Variants in TRPM3 observed in about 807,000 individuals in gnomAD.
The protein encoded by TRPM3 is long transient receptor potential channel 3.
In TRPM3, 77 loss-of-function variants were observed where a neutral mutation model predicts 181.2. The observed-to-expected ratio is 0.42, with a 90% CI of 0.35 to 0.51. The LOEUF is 0.51. Ranked by LOEUF, TRPM3 falls within the 20% of genes least tolerant of loss-of-function variation. TRPM3 has a pLI of 0.01. For synonymous variants in TRPM3, 745 were observed against 796.4 expected (o/e 0.94, Z 1.09); for missense variants, 1,759 against 2,196.7 (o/e 0.80, Z 3.98).
intron 6 of TRPM3, among the ~76,000 whole-genome samples, chr9:70,785,320 G>A (rs570261984): frequency 6.6e-6 from 1 of 152,294 alleles, no homozygotes; most frequent in Admixed American, 6.5e-5. Flanking sequence ...ATGTCCATGA[G>A]AGACATGATG....
intron 1 of TRPM3, among the ~76,000 whole-genome samples, chr9:70,959,883 C>A (rs776150707): frequency 3.3e-5 from 5 of 152,138 alleles, no homozygotes; most frequent in Non-Finnish European, 5.9e-5. Context: ...TGTTATCAAG[C>A]CTTAGCAGGC....
rs184963937 is a variant in TRPM3, at chr9:70,773,233, G to T, written c.1148+10872C>A. On this transcript the variant is annotated intron_variant, in intron 7 of 25. Coordinates refer to ENST00000677713, the MANE Select transcript of TRPM3 (RefSeq NM_001366145.2). The stretch of plus-strand genomic sequence containing the variant: ...TCCCACCTTCTTAGAGGACAACATG[G>T]TATAGCTGCTAAGGGCCTAAGCTCC... 2.0e-5 allele frequency among the ~76,000 whole-genome samples: 3 copies of T among 152,262 alleles called. No individual in the cohort carries two copies. The East Asian group carries it at 5.8e-4, about 29-fold the overall frequency.
At position 70,536,552 on chromosome 9, in the gene TRPM3, G is replaced by A. The variant is rs1026862219; in HGVS notation, c.4561C>T (p.Pro1521Ser). Residue 1521 changes from proline to serine, a missense_variant, in exon 26 of 26, where the codon CCC becomes TCC. Coordinates refer to ENST00000677713, the MANE Select transcript of TRPM3 (RefSeq NM_001366145.2). ...SKSSRYLATT[P>S]FLLEEAPIVK... ...ATGGGAGCCTCTTCTAGAAGAAAGG[G>A]TGTGGTGGCTAGGTAGCGGCTACTT... is the stretch of plus-strand genomic sequence containing the variant. 9 of 1,614,170 alleles carry A rather than the reference G, an allele frequency of 5.6e-6. No homozygotes were observed. Among genetic ancestry groups the A allele is most frequent in the Non-Finnish European group, 5.9e-6 (7 of 1,180,034 alleles).
intron 1 of TRPM3, among the ~76,000 whole-genome samples, chr9:71,127,837 TATC>T (rs1271804031): frequency 6.6e-6 from 1 of 152,188 alleles, no homozygotes; most frequent in African/African-American, 2.4e-5. Flanking sequence ...TATTTAATCT[TATC>T]ATGCTTTAGT....
At chr9:70,788,963 C>T (rs1011356104) in intron 6 of TRPM3, among the ~76,000 whole-genome samples, 2 of 152,182 alleles carry the variant, frequency 1.3e-5, no homozygotes, top group South Asian at 2.1e-4. Context: ...CACCTATGGC[C>T]TGGCTCCTAA....
At chr9:70,827,054 GATA>G (rs1304014407) in intron 6 of TRPM3, 1 of 152,174 alleles carries the variant, frequency 6.6e-6, no homozygotes, top group African/African-American at 2.4e-5. Flanking sequence ...GCGCTTAAGA[GATA>G]ATATTAGCGT....
At chr9:70,556,383 C>T (rs573104592) in intron 22 of TRPM3, among the ~76,000 whole-genome samples, 1 of 152,104 alleles carries the variant, frequency 6.6e-6, no homozygotes, top group South Asian at 2.1e-4. Flanking sequence ...CCTGCTTTAA[C>T]AGAGGTAGTA....
chr9:70,579,102 G>A lies in TRPM3; in HGVS notation c.3223+11929C>T, dbSNP rs367935572. ...TGAGAGTACTCAGCTCCTCTGGGCT[G>A]TCCTTGGGCCTTTCAGACCTTTGAG... On this transcript the variant is annotated intron_variant, in intron 22 of 25. Transcript: ENST00000677713. The A allele has an allele frequency of 1.1e-3, 167 of 152,362 alleles. 3 individuals carry two copies. The highest frequency in any genetic ancestry group is 3.7e-3 in the African/African-American group (153 of 41,578). The allele number at this position is 152,362 out of a possible 1,614,324, so 9.4% of individuals were successfully genotyped here.
intron 1 of TRPM3, among the ~76,000 whole-genome samples, chr9:70,968,357 GAAC>G (rs1198976891): frequency 6.6e-6 from 1 of 152,110 alleles, no homozygotes; most frequent in Non-Finnish European, 1.5e-5. Flanking sequence ...GACTCTCCCG[GAAC>G]AGACTGCATC....
chr9:70,670,535 T>C (rs1477958842), intron 9 of TRPM3, among the ~76,000 whole-genome samples: 1 of 152,242 alleles, frequency 6.6e-6, no homozygotes, highest in Non-Finnish European at 1.5e-5. Flanking sequence ...TAGCATGTGC[T>C]TAACCACTTT....
At chr9:71,399,685 C>G (rs147513678) in intron 1 of TRPM3, among the ~76,000 whole-genome samples, 1 of 151,736 alleles carries the variant, frequency 6.6e-6, no homozygotes, top group Non-Finnish European at 1.5e-5. Context: ...CCCGCCACCA[C>G]GCCCAGCTAA....
chr9:71,081,402 T>C (rs1008500275), intron 1 of TRPM3, among the ~76,000 whole-genome samples: 5 of 152,114 alleles, frequency 3.3e-5, no homozygotes, highest in African/African-American at 1.2e-4. Flanking sequence ...CTTTAAAAAA[T>C]GGGATAATAA....
chr9:71,266,982 A>G (rs899614173), intron 1 of TRPM3, among the ~76,000 whole-genome samples: 1 of 151,828 alleles, frequency 6.6e-6, no homozygotes, highest in Non-Finnish European at 1.5e-5. Flanking sequence ...AAAATGTCAT[A>G]CCAAATGACA....
At position 71,321,533 on chromosome 9, in the gene TRPM3, C is replaced by T. The variant is rs559195143; in HGVS notation, c.183+125120G>A. On this transcript the variant is annotated intron_variant, in intron 1 of 24. Transcript: ENST00000357533. ...ATGAGGCATTCATACATGAGACTTC[C>T]TAGTCCTAGAATATAAGATGTAAGA... Among the ~76,000 whole-genome samples the T allele has an allele frequency of 3.3e-5, 5 of 152,176 alleles. No homozygotes were observed. The South Asian group carries it at 1.0e-3, about 32-fold the overall frequency.
At chr9:71,004,064 G>A (rs569609383) in intron 1 of TRPM3, among the ~76,000 whole-genome samples, 47 of 152,202 alleles carry the variant, frequency 3.1e-4, no homozygotes, top group Non-Finnish European at 6.2e-4. Flanking sequence ...GGAGTACCAG[G>A]AAGGCTGAAC....
chr9:71,287,872 T>G (rs1281975532), intron 1 of TRPM3, among the ~76,000 whole-genome samples: 1 of 152,086 alleles, frequency 6.6e-6, no homozygotes, highest in Non-Finnish European at 1.5e-5. Flanking sequence ...TGGAAGCAGC[T>G]ACTGTAAAAT....
chr9:71,057,966 A>C (rs1171070353), intron 1 of TRPM3, among the ~76,000 whole-genome samples: 2 of 152,100 alleles, frequency 1.3e-5, no homozygotes, highest in African/African-American at 4.8e-5. Context: ...ATATGCATTA[A>C]AATACATAAA....
At chr9:71,213,094 G>A (rs747190606) in intron 1 of TRPM3, among the ~76,000 whole-genome samples, 39 of 152,168 alleles carry the variant, frequency 2.6e-4, no homozygotes, top group Non-Finnish European at 5.3e-4. Flanking sequence ...TCAATGGCCA[G>A]CTAGGAAATA....
intron 1 of TRPM3, among the ~76,000 whole-genome samples, chr9:71,112,248 G>GT (rs2071275717): frequency 6.6e-6 from 1 of 152,174 alleles, no homozygotes; most frequent in Non-Finnish European, 1.5e-5. Context: ...ATTAACATAT[G>GT]TTAGATCACC....
Sources: allele counts gnomAD v4.1 joint callset (sites outside exome capture counted in the v4.1 genomes callset), GRCh38; gene constraint gnomAD v4.1.1; transcripts MANE v1.5; gene names NCBI Gene and HGNC (gene_info 2026-07-23, HGNC 2026-07-21).